The following PLCB1 variants were observed in gnomAD, a reference collection of about 807,000 sequenced individuals.
The protein encoded by PLCB1 is phospholipase C beta 1.
In PLCB1, 46 loss-of-function variants were observed where a neutral mutation model predicts 161.8. The ratio of observed to expected loss-of-function variants is 0.28; its 90% CI spans 0.22 to 0.36. The LOEUF (loss-of-function observed/expected upper bound fraction) is 0.36. PLCB1 is among the 10% of genes least tolerant of loss of function. The pLI is 1.00. For synonymous variants in PLCB1, 517 were observed against 503.7 expected, an observed-to-expected ratio of 1.03 and a Z score of -0.35; for missense variants, 1,016 against 1,472.5, an observed-to-expected ratio of 0.69 and a Z score of 5.07.
At chr20:8,713,308 A>G (rs1210015699) in intron 12 of PLCB1, among the ~76,000 whole-genome samples, 1 of 151,982 alleles carries the variant, frequency 6.6e-6, no homozygotes, top group East Asian at 1.9e-4. Flanking sequence ...CCTGCCTCCT[A>G]AGTAGCTGGT....
At position 8,591,348 on chromosome 20, in the gene PLCB1, C is replaced by A. The variant is rs918383370; in HGVS notation, c.247-36946C>A. On this transcript the variant is annotated intron_variant, in intron 3 of 31. Coordinates refer to ENST00000338037, the MANE Select transcript of PLCB1 (RefSeq NM_015192.4). ...TGGGTTTACTTAATCACCAGGGAGA[C>A]AAAGTAGATAATAAGCACAAAGTAG... is the stretch of plus-strand genomic sequence containing the variant. 4.6e-5 allele frequency among the ~76,000 whole-genome samples: 7 copies of A among 152,116 alleles called. No homozygotes were observed. The South Asian group carries it at 6.2e-4, about 14-fold the overall frequency.
intron 3 of PLCB1, among the ~76,000 whole-genome samples, chr20:8,387,455 T>C (rs13042721): frequency 0.14 from 20,837 of 152,172 alleles, 1,852 homozygotes; most frequent in Non-Finnish European, 0.19. Flanking sequence ...CAACATCTTA[T>C]ATAGGTGCAG....
chr20:8,276,968 C>CTTA (rs1405441972), intron 2 of PLCB1, among the ~76,000 whole-genome samples: 105 of 114,282 alleles, frequency 9.2e-4, no homozygotes, highest in South Asian at 8.8e-4. Flanking sequence ...TCTTCTTCTT[C>CTTA]TTCTTCTTCT....
chr20:8,785,379 GT>G (rs1983434418), intron 27 of PLCB1, among the ~76,000 whole-genome samples: 2 of 152,164 alleles, frequency 1.3e-5, no homozygotes, highest in South Asian at 4.1e-4. Flanking sequence ...CTTGCCACTG[GT>G]ATGTGGACTA....
intron 3 of PLCB1, among the ~76,000 whole-genome samples, chr20:8,489,899 A>C (rs938679336): frequency 3.3e-5 from 5 of 152,210 alleles, no homozygotes; most frequent in African/African-American, 9.7e-5. Context: ...AGGGCACCAG[A>C]GGTTCCACTG....
intron 3 of PLCB1, among the ~76,000 whole-genome samples, chr20:8,536,678 T>A (rs1469504956): frequency 6.6e-6 from 1 of 152,176 alleles, no homozygotes; most frequent in East Asian, 1.9e-4. Flanking sequence ...TCTTCCTACA[T>A]GGCCACTTGG....
intron 23 of PLCB1, among the ~76,000 whole-genome samples, chr20:8,749,439 A>G (rs1231072906): frequency 6.6e-6 from 1 of 152,214 alleles, no homozygotes; most frequent in African/African-American, 2.4e-5. Flanking sequence ...TTGTCCCGCA[A>G]GTGATTGACC....
At chr20:8,455,254 G>C (rs1029505937) in intron 3 of PLCB1, among the ~76,000 whole-genome samples, 4 of 150,868 alleles carry the variant, frequency 2.7e-5, no homozygotes, top group Admixed American at 6.6e-5. Context: ...CTTGAACCTG[G>C]GAGGTGGAGG....
intron 3 of PLCB1, among the ~76,000 whole-genome samples, chr20:8,569,815 G>A (rs138805403): frequency 1.7e-4 from 26 of 152,270 alleles, no homozygotes; most frequent in Admixed American, 3.9e-4. Context: ...AAAACTACTG[G>A]AAGGAAATAC....
chr20:8,790,059 C>A (rs1283352403), intron 30 of PLCB1, 116 bp from the exon 31 acceptor site: 1 of 683,868 alleles, frequency 1.5e-6, no homozygotes, highest in Admixed American at 2.6e-5. Flanking sequence ...AGTTCTTGAT[C>A]AGGAGATCAA....
intron 3 of PLCB1, among the ~76,000 whole-genome samples, chr20:8,536,810 G>A (rs1253710388): frequency 6.6e-6 from 1 of 152,174 alleles, no homozygotes; most frequent in African/African-American, 2.4e-5. Context: ...GATTAAAGGG[G>A]ATGCAAGGGT....
chr20:8,353,889 A>C (rs113407323), intron 2 of PLCB1, among the ~76,000 whole-genome samples: 1 of 152,228 alleles, frequency 6.6e-6, no homozygotes, highest in African/African-American at 2.4e-5. Flanking sequence ...ATATTGGTAT[A>C]TTAGTTGTAT....
intron 9 of PLCB1, among the ~76,000 whole-genome samples, chr20:8,684,247 T>G (rs562104583): frequency 6.7e-6 from 1 of 148,938 alleles, no homozygotes; most frequent in Non-Finnish European, 1.5e-5. Context: ...TTTATTTATT[T>G]ATTTATTTAT....
intron 2 of PLCB1, among the ~76,000 whole-genome samples, chr20:8,240,279 G>GACAC (rs10683042): frequency 0.15 from 22,472 of 149,562 alleles, 1,884 homozygotes; most frequent in Non-Finnish European, 0.2. Flanking sequence ...TCATGATATT[G>GACAC]ACACACACAC....
At chr20:8,648,426 G>T (rs1372538571) in intron 6 of PLCB1, among the ~76,000 whole-genome samples, 1 of 152,212 alleles carries the variant, frequency 6.6e-6, no homozygotes, top group African/African-American at 2.4e-5. Flanking sequence ...GGAGACAACA[G>T]CTCATCTCCA....
chr20:8,320,812 A>AGAAT (rs1984877209), intron 2 of PLCB1, among the ~76,000 whole-genome samples: 1 of 138,562 alleles, frequency 7.2e-6, no homozygotes, highest in Non-Finnish European at 1.6e-5. Flanking sequence ...AAAGAAAGAA[A>AGAAT]GAAAGGGAGG....
chr20:8,722,542 A>G (rs1388084864), intron 15 of PLCB1, 121 bp downstream of exon 15: 3 of 568,530 alleles, frequency 5.3e-6, no homozygotes, highest in Non-Finnish European at 6.0e-6. Flanking sequence ...TCCAATTGCC[A>G]GCTTCAATTT....
At chr20:8,632,457 C>T (rs761709519) in intron 4 of PLCB1, among the ~76,000 whole-genome samples, 1 of 151,956 alleles carries the variant, frequency 6.6e-6, no homozygotes, top group Non-Finnish European at 1.5e-5. Flanking sequence ...AGACCCTTGC[C>T]GATGTGGAGC....
intron 31 of PLCB1, among the ~76,000 whole-genome samples, chr20:8,879,295 T>TG (rs1400203203): frequency 2.7e-5 from 3 of 113,110 alleles, no homozygotes; most frequent in Non-Finnish European, 3.5e-5. Flanking sequence ...CTTTTTGATG[T>TG]GAAAAAAAAA....
Sources: allele counts gnomAD v4.1 joint callset (sites outside exome capture counted in the v4.1 genomes callset), GRCh38; gene constraint gnomAD v4.1.1; transcripts MANE v1.5; gene names NCBI Gene and HGNC (gene_info 2026-07-23, HGNC 2026-07-21).